The following PTPRJ variants were observed in gnomAD, a reference collection of about 807,000 sequenced individuals.
PTPRJ encodes receptor-type tyrosine-protein phosphatase eta.
PTPRJ carries 129 observed loss-of-function variants against 141.3 expected under a neutral mutation model. That is an observed-to-expected ratio of 0.91 (90% confidence interval 0.79 to 1.06). The LOEUF is 1.06. PTPRJ is among the 50% of genes least tolerant of loss of function. The pLI is 0.00. For synonymous variants in PTPRJ, 610 were observed against 640.5 expected (o/e 0.95, Z 0.72); for missense variants, 1,601 against 1,679.7 (o/e 0.95, Z 0.82).
intron 2 of PTPRJ, 136 bp downstream of exon 2, chr11:48,110,212 T>C: frequency 3.8e-6 from 4 of 1,061,290 alleles, no homozygotes; most frequent in Non-Finnish European, 5.4e-6. Flanking sequence ...TTCTTTTTCT[T>C]TTCTTTTTTT....
At chr11:48,145,542 G>GTTTAT (rs1331455294) in intron 14 of PTPRJ, among the ~76,000 whole-genome samples, 1 of 132,156 alleles carries the variant, frequency 7.6e-6, no homozygotes, top group African/African-American at 2.7e-5. Context: ...TTATTGATTT[G>GTTTAT]TTTATTTTAT....
In PTPRJ at chr11:47,988,836, T is replaced by A. The variant is rs950320681; in HGVS notation, c.96+7828T>A. Among the ~76,000 whole-genome samples the A allele has an allele frequency of 8.6e-5, 13 of 151,870 alleles. No homozygotes were observed. In the East Asian group the frequency reaches 1.9e-3, roughly 23 times the overall value. On this transcript the variant is annotated intron_variant, in intron 1 of 24. Transcript: ENST00000418331. ...CATACCGTCTCATCTGAAATGAAAA[T>A]TTTTACATGTTTGCTAGTCTGAAAG...
Position 48,016,999 on chromosome 11 carries a change from A to G in PTPRJ, c.96+35991A>G, listed in dbSNP as rs1005241213. Among the ~76,000 whole-genome samples, 14 of 152,060 alleles carry G rather than the reference A, an allele frequency of 9.2e-5. No individual in the cohort carries two copies. The South Asian group carries it at 1.0e-3, about 11-fold the overall frequency. On this transcript the variant is annotated intron_variant, in intron 1 of 24. Coordinates refer to ENST00000418331, the MANE Select transcript of PTPRJ (RefSeq NM_002843.4). ...GGTCTTGAGCTCCTGGGCTCAAGCA[A>G]TCCTCCCACCTCGGTTCCCCAAAGT...
intron 5 of PTPRJ, among the ~76,000 whole-genome samples, chr11:48,124,684 A>G (rs978515667): frequency 6.6e-6 from 1 of 152,254 alleles, no homozygotes; most frequent in African/African-American, 2.4e-5. Flanking sequence ...ACAGGAGAAG[A>G]TAACAACCCA....
At chr11:48,024,494 G>T (rs1257931221) in intron 1 of PTPRJ, among the ~76,000 whole-genome samples, 1 of 152,030 alleles carries the variant, frequency 6.6e-6, no homozygotes, top group Non-Finnish European at 1.5e-5. Flanking sequence ...CACTGTGCCT[G>T]GTCTTATATT....
intron 1 of PTPRJ, among the ~76,000 whole-genome samples, chr11:48,072,094 G>A (rs1415912187): frequency 1.3e-5 from 2 of 151,790 alleles, no homozygotes; most frequent in South Asian, 2.1e-4. Context: ...TTGTACAGAC[G>A]GGGTTTCACC....
intron 1 of PTPRJ, among the ~76,000 whole-genome samples, chr11:48,033,311 G>A (rs1590421278): frequency 6.6e-6 from 1 of 152,208 alleles, no homozygotes; most frequent in South Asian, 2.1e-4. Context: ...TTTGGAGTCT[G>A]AGCTTGAGAT....
chr11:48,067,689 T>C (rs547087346), intron 1 of PTPRJ, among the ~76,000 whole-genome samples: 2 of 152,302 alleles, frequency 1.3e-5, no homozygotes, highest in African/African-American at 4.8e-5. Context: ...AAAGCATGCC[T>C]TCTTGTTTTT....
At chr11:48,014,299 G>A (rs1854895483) in intron 1 of PTPRJ, 2 of 152,184 alleles carry the variant, frequency 1.3e-5, no homozygotes. Flanking sequence ...AAATCAAACA[G>A]ATGTCTTTCT....
chr11:48,112,782 G>A lies in PTPRJ; in HGVS notation c.151G>A (p.Val51Ile). 1.2e-6 allele frequency: 2 copies of A among 1,614,096 alleles called. No individual in the cohort carries two copies. The highest frequency in any genetic ancestry group is 8.5e-7 in the Non-Finnish European group (1 of 1,179,962). The change falls in exon 3 of 25, where the codon GTT becomes ATT. Residue 51 changes from valine (V) to isoleucine (I), a missense_variant. Transcript: ENST00000418331. ...AATTCCTGACCCTTCAGTAGCAACT[G>A]TTGCCACAGGGGAAAATGGCATAAC... is the stretch of plus-strand genomic sequence containing the variant. ...SPIPDPSVAT[V>I]ATGENGITQI...
intron 1 of PTPRJ, among the ~76,000 whole-genome samples, chr11:48,019,369 C>G (rs371863710): frequency 7.2e-6 from 1 of 138,450 alleles, no homozygotes; most frequent in Non-Finnish European, 1.6e-5. Flanking sequence ...ACCCCACCTT[C>G]CCCCGAACCC....
rs535511545 is a variant in PTPRJ, at chr11:47,998,116, C to T, written c.96+17108C>T. Among the ~76,000 whole-genome samples the T allele has an allele frequency of 9.3e-5, 14 of 151,350 alleles. No individual in the cohort carries two copies. The East Asian group carries it at 2.5e-3, about 27-fold the overall frequency. ...GAGCAGACTTGGTCAGAACTTCAATCCTTGATTTTTTTTTTTTTTTAACCC... is the reference window on the plus strand; with the variant it reads ...GAGCAGACTTGGTCAGAACTTCAATTCTTGATTTTTTTTTTTTTTTAACCC... On this transcript the variant is annotated intron_variant, in intron 1 of 24. Coordinates refer to ENST00000418331, the MANE Select transcript of PTPRJ (RefSeq NM_002843.4).
At chr11:48,014,636 T>C (rs904725147) in intron 1 of PTPRJ, 2 of 152,264 alleles carry the variant, frequency 1.3e-5, no homozygotes, top group Admixed American at 6.5e-5. Context: ...GTATTAGGCA[T>C]GTGAGTTATC....
chr11:48,049,140 T>C (rs1175257443), intron 1 of PTPRJ, among the ~76,000 whole-genome samples: 1 of 152,120 alleles, frequency 6.6e-6, no homozygotes, highest in African/African-American at 2.4e-5. Flanking sequence ...TGATGAGTCT[T>C]TGTTGTGAGC....
chr11:48,149,333 G>C (rs1857423112), intron 15 of PTPRJ, 114 bp from the exon 16 acceptor site: 2 of 740,306 alleles, frequency 2.7e-6, no homozygotes, highest in Admixed American at 5.5e-5. Flanking sequence ...ACTAATGCCT[G>C]AGGAAAAGGT....
At chr11:47,992,858 GT>G in intron 1 of PTPRJ, among the ~76,000 whole-genome samples, 1 of 152,250 alleles carries the variant, frequency 6.6e-6, no homozygotes, top group East Asian at 1.9e-4. Flanking sequence ...TGTGTGTGGT[GT>G]GTATGTGTGT....
chr11:48,016,529 C>G (rs925048211), intron 1 of PTPRJ, among the ~76,000 whole-genome samples: 4 of 152,162 alleles, frequency 2.6e-5, no homozygotes, highest in African/African-American at 9.7e-5. Flanking sequence ...GCAGGAAGAG[C>G]CTAGGATTTG....
At position 48,127,939 on chromosome 11, in the gene PTPRJ, G is replaced by C. The variant is rs61739179; in HGVS notation, c.1253G>C (p.Arg418Pro). The C allele has an allele frequency of 6.2e-7, 1 of 1,614,106 alleles. No individual in the cohort carries two copies. Among genetic ancestry groups the C allele is most frequent in the East Asian group, 2.2e-5 (1 of 44,868 alleles). Reference protein sequence around the residue: ...DSSNLNVSEPRAVIPGLRSST... With the variant: ...DSSNLNVSEPPAVIPGLRSST... Reference sequence around the variant, plus strand: ...TCCAATCTCAACGTCAGTGAGCCTCGCGCTGTCATCCCCGGACTCCGCTCC... The same window carrying C: ...TCCAATCTCAACGTCAGTGAGCCTCCCGCTGTCATCCCCGGACTCCGCTCC... Residue 418 changes from arginine to proline, a missense_variant, in exon 7 of 25, where the codon CGC becomes CCC. Coordinates refer to ENST00000418331, the MANE Select transcript of PTPRJ (RefSeq NM_002843.4).
intron 21 of PTPRJ, among the ~76,000 whole-genome samples, 159 bp from the exon 22 acceptor site, chr11:48,159,771 A>T (rs1476471811): frequency 2.0e-5 from 3 of 152,122 alleles, no homozygotes; most frequent in Admixed American, 2.0e-4. Context: ...TGTCTCTATA[A>T]AATAAAATAA....
Sources: allele counts gnomAD v4.1 joint callset (sites outside exome capture counted in the v4.1 genomes callset), GRCh38; gene constraint gnomAD v4.1.1; transcripts MANE v1.5; gene names NCBI Gene and HGNC (gene_info 2026-07-23, HGNC 2026-07-21).